Variants in ERCC6 observed in about 807,000 individuals in gnomAD.
The protein encoded by ERCC6 is ERCC excision repair 6, chromatin remodeling factor, also known as DNA excision repair protein ERCC-6.
In ERCC6, 116 loss-of-function variants were observed where a neutral mutation model predicts 158.7. The observed-to-expected ratio is 0.73, with a 90% CI of 0.63 to 0.85. The LOEUF is 0.85. Ranked by LOEUF, ERCC6 falls within the 40% of genes least tolerant of loss-of-function variation. The pLI, the probability that ERCC6 is intolerant of heterozygous loss-of-function variation, is 0.00. For synonymous variants in ERCC6, 678 were observed against 659.3 expected, an observed-to-expected ratio of 1.03 and a Z score of -0.43; for missense variants, 1,698 against 1,799.4, an observed-to-expected ratio of 0.94 and a Z score of 1.02.
intron 5 of ERCC6, among the ~76,000 whole-genome samples, chr10:49,509,930 G>A (rs983944378): frequency 2.6e-5 from 4 of 152,202 alleles, no homozygotes; most frequent in Admixed American, 1.3e-4. Context: ...TTCACTGGCT[G>A]TGTTTCTAGC....
At chr10:49,484,194 T>C (rs1201979299) in intron 8 of ERCC6, among the ~76,000 whole-genome samples, 1 of 147,606 alleles carries the variant, frequency 6.8e-6, no homozygotes, top group Admixed American at 6.9e-5. Flanking sequence ...GGTGGGAGGA[T>C]CCCTTGAGCC....
intron 4 of ERCC6, among the ~76,000 whole-genome samples, chr10:49,526,898 T>C (rs1295151205): frequency 2.0e-5 from 3 of 152,134 alleles, no homozygotes; most frequent in African/African-American, 4.8e-5. Context: ...TAGTAGAACC[T>C]AGGTGGCTGC....
intron 5 of ERCC6, chr10:49,517,167 G>T (rs182076171): frequency 1.3e-6 from 2 of 1,513,628 alleles, no homozygotes; most frequent in Non-Finnish European, 1.8e-6. Flanking sequence ...TAGTGGTTTT[G>T]CCTAGTGTTC....
At chr10:49,504,435 C>A (rs991929938) in intron 6 of ERCC6, 12 of 152,068 alleles carry the variant, frequency 7.9e-5, no homozygotes, top group Non-Finnish European at 1.2e-4. Context: ...AAGTTTAGTA[C>A]TATTAATTGT....
At chr10:49,450,648 A>G (rs1317427716), downstream of ERCC6, among the ~76,000 whole-genome samples, 2 of 151,904 alleles carry the variant, frequency 1.3e-5, no homozygotes, top group East Asian at 3.9e-4. Context: ...ATGTTTTTCC[A>G]TTTATTTAGG....
At chr10:49,510,913 G>C (rs1851522101) in intron 5 of ERCC6, among the ~76,000 whole-genome samples, 1 of 151,430 alleles carries the variant, frequency 6.6e-6, no homozygotes, top group African/African-American at 2.4e-5. Flanking sequence ...TCCTAGCTCT[G>C]TCCACTGGAT....
rs1321414601 is a variant in ERCC6 at position 49,473,022 on chromosome 10, A to C, written c.2716T>G (p.Ser906Ala). The C allele has an allele frequency of 6.2e-7, 1 of 1,614,078 alleles. No individual in the cohort carries two copies. The highest frequency in any genetic ancestry group is 1.1e-5 in the South Asian group (1 of 91,066). ...GTGGTCAGAAGAAACACAAATATGG[A>C]TGTGTCCTAGAGGTAAGACACACAA... ...PLITRYNEDT[S>A]IFVFLLTTRV... The change falls in exon 15 of 21, where the codon TCC (serine) becomes GCC (alanine). Residue 906 changes from serine (S) to alanine (A), a missense_variant. By Grantham distance (99) the Ser-to-Ala change is moderately conservative. Coordinates refer to ENST00000355832, the MANE Select transcript of ERCC6 (RefSeq NM_000124.4).
chr10:49,443,167 AC>A, the ERCC6 span, among the ~76,000 whole-genome samples: 1 of 152,266 alleles, frequency 6.6e-6, no homozygotes, highest in Non-Finnish European at 1.5e-5. Flanking sequence ...TTCTGAAAGA[AC>A]CTTTTGCCAT....
chr10:49,479,158 C>T (rs1326301857), intron 10 of ERCC6, among the ~76,000 whole-genome samples: 1 of 150,300 alleles, frequency 6.7e-6, no homozygotes, highest in Non-Finnish European at 1.5e-5. Context: ...CTGCAATTCA[C>T]TTACAGGCAA....
chr10:49,474,010 G>T lies in ERCC6; in HGVS notation c.2598+17C>A. On this transcript the variant is annotated intron_variant, in intron 13 of 20. Transcript: ENST00000355832. ...TAAAGAACCAGCCTGTTTCCCGTCT[G>T]AAGTCTGTGCACTCACCTGCCTTGA... 1 of 1,609,796 alleles carries T rather than the reference G, an allele frequency of 6.2e-7. No individual in the cohort carries two copies.
intron 1 of ERCC6, among the ~76,000 whole-genome samples, chr10:49,533,198 T>C (rs567012099): frequency 6.6e-6 from 1 of 152,184 alleles, no homozygotes; most frequent in South Asian, 2.1e-4. Flanking sequence ...AGAAATGCAG[T>C]ATCATCAACA....
intron 12 of ERCC6, 106 bp downstream of exon 12, chr10:49,476,109 A>G (rs1850871959): frequency 3.5e-5 from 28 of 811,146 alleles, no homozygotes; most frequent in Non-Finnish European, 4.7e-5. Flanking sequence ...GTGAAGTGAG[A>G]TGACAGTACG....
At chr10:49,480,294 T>C (rs1014994390) in intron 10 of ERCC6, among the ~76,000 whole-genome samples, 1 of 152,194 alleles carries the variant, frequency 6.6e-6, no homozygotes, top group African/African-American at 2.4e-5. Context: ...TGCCCTGTAC[T>C]GGGACCAGGT....
intron 18 of ERCC6, among the ~76,000 whole-genome samples, chr10:49,465,161 C>G (rs1300340530): frequency 1.3e-5 from 2 of 152,224 alleles, no homozygotes; most frequent in African/African-American, 4.8e-5. Context: ...TAGGAACCCA[C>G]CTCTTGCATC....
chr10:49,488,658 T>A lies in ERCC6; in HGVS notation c.1821+4459A>T, dbSNP rs1026643222. 5.6e-3 allele frequency among the ~76,000 whole-genome samples: 829 copies of A among 147,176 alleles called. 8 individuals are homozygous for A. Among genetic ancestry groups the A allele is most frequent in the African/African-American group, 0.019 (782 of 40,474 alleles). The stretch of plus-strand genomic sequence containing the variant: ...GGCCTCTTTCTTTTTTTTTTTTTTT[T>A]AAAGTTTTTTACTCCCTTCTAGCTT... On this transcript the variant is annotated intron_variant, in intron 8 of 20. Transcript: ENST00000355832.
chr10:49,472,885 T>G (rs1333397859), intron 15 of ERCC6, 24 bp downstream of exon 15: 1 of 1,608,562 alleles, frequency 6.2e-7, no homozygotes, highest in Admixed American at 1.7e-5. Context: ...AATACATTCT[T>G]TTAAAAAAAA....
At chr10:49,522,705 T>C (rs1837200693) in intron 5 of ERCC6, among the ~76,000 whole-genome samples, 1 of 152,228 alleles carries the variant, frequency 6.6e-6, no homozygotes, top group Admixed American at 6.5e-5. Flanking sequence ...AATCAATATG[T>C]TGAGATTAAC....
chr10:49,521,482 G>A (rs1165615812), intron 5 of ERCC6, among the ~76,000 whole-genome samples: 5 of 152,202 alleles, frequency 3.3e-5, no homozygotes, highest in South Asian at 4.1e-4. Context: ...GAAAGCACTA[G>A]ACCTCACAAC....
At chr10:49,528,839 G>A (rs1837403068) in intron 3 of ERCC6, among the ~76,000 whole-genome samples, 1 of 152,072 alleles carries the variant, frequency 6.6e-6, no homozygotes, top group Non-Finnish European at 1.5e-5. Context: ...AGGTGGACTT[G>A]TTCTACTTGG....
Sources: allele counts gnomAD v4.1 joint callset (sites outside exome capture counted in the v4.1 genomes callset), GRCh38; gene constraint gnomAD v4.1.1; transcripts MANE v1.5; gene names NCBI Gene and HGNC (gene_info 2026-07-23, HGNC 2026-07-21).